Variants in NREP observed in about 807,000 individuals in gnomAD.
NREP encodes neuronal regeneration related protein, also known as neuronal regeneration-related protein.
In NREP, 5 loss-of-function variants were observed where a neutral mutation model predicts 8.6. The observed-to-expected ratio is 0.58, with a 90% CI of 0.30 to 1.22. The LOEUF (loss-of-function observed/expected upper bound fraction) is 1.22. NREP is among the 50% of genes most tolerant of loss of function. The probability of loss-of-function intolerance (pLI) is 0.07; values close to 1 mark genes in which losing one functional copy is unlikely to be tolerated. For missense variants in NREP, 86 were observed against 82.5 expected, an observed-to-expected ratio of 1.04 and a Z score of -0.17; for synonymous variants, 27 against 28.0, an observed-to-expected ratio of 0.96 and a Z score of 0.11.
chr5:111,846,523 C>G (rs1753179448), intron 2 of NREP: 1 of 140,614 alleles, frequency 7.1e-6, no homozygotes, highest in Non-Finnish European at 1.5e-5. Flanking sequence ...GCTCATTGAT[C>G]TCTTGGGCTC....
At chr5:111,776,600 C>T (rs779569259) in intron 2 of NREP, among the ~76,000 whole-genome samples, 46 of 152,014 alleles carry the variant, frequency 3.0e-4, no homozygotes, top group Non-Finnish European at 5.3e-4. Context: ...AAATAGTCGT[C>T]GATTCATACA....
chr5:111,845,696 G>C (rs1486039612), intron 2 of NREP, among the ~76,000 whole-genome samples: 1 of 151,930 alleles, frequency 6.6e-6, no homozygotes, highest in Non-Finnish European at 1.5e-5. Context: ...TTTCAAAAAA[G>C]CACAATTTAA....
chr5:111,731,584 T>C (rs1001819922), intron 3 of NREP, among the ~76,000 whole-genome samples: 1 of 152,124 alleles, frequency 6.6e-6, no homozygotes, highest in Non-Finnish European at 1.5e-5. Flanking sequence ...ATGACAGAAG[T>C]GGCTACCAAA....
At chr5:111,767,686 G>C (rs1751118559) in intron 2 of NREP, among the ~76,000 whole-genome samples, 1 of 152,064 alleles carries the variant, frequency 6.6e-6, no homozygotes, top group South Asian at 2.1e-4. Flanking sequence ...TTTGTTTTGA[G>C]ACAGAGTCTT....
intron 2 of NREP, among the ~76,000 whole-genome samples, chr5:111,808,580 T>C (rs534710850): frequency 1.3e-5 from 2 of 152,352 alleles, no homozygotes; most frequent in Non-Finnish European, 2.9e-5. Flanking sequence ...TTTAGCAAAC[T>C]ATTCTTTGTC....
At chr5:111,814,052 T>TA (rs1048955133) in intron 2 of NREP, among the ~76,000 whole-genome samples, 5 of 152,016 alleles carry the variant, frequency 3.3e-5, no homozygotes, top group African/African-American at 1.2e-4. Context: ...ACTATACAAA[T>TA]GTTTGAGAAA....
chr5:111,926,208 A>G (rs1434498236), intron 2 of NREP, among the ~76,000 whole-genome samples: 1 of 152,126 alleles, frequency 6.6e-6, no homozygotes, highest in African/African-American at 2.4e-5. Context: ...TAAAAGCGAA[A>G]CTGGGGAAGT....
chr5:111,731,146 GC>G, intron 3 of NREP, 100 bp from the exon 4 acceptor site: 1 of 1,309,192 alleles, frequency 7.6e-7, no homozygotes, highest in Non-Finnish European at 1.1e-6. Context: ...TTCCTGCCCA[GC>G]CCACATTATA....
chr5:111,772,540 C>G (rs1348963180), intron 2 of NREP, among the ~76,000 whole-genome samples: 1 of 151,994 alleles, frequency 6.6e-6, no homozygotes, highest in African/African-American at 2.4e-5. Context: ...TTTGAGGGAA[C>G]ATCTTTATGC....
chr5:111,845,346 G>C (rs1158953323), intron 2 of NREP, among the ~76,000 whole-genome samples: 2 of 151,024 alleles, frequency 1.3e-5, no homozygotes, highest in Admixed American at 6.6e-5. Flanking sequence ...CAGAGCTCTT[G>C]TGAAAGTATG....
intron 2 of NREP, among the ~76,000 whole-genome samples, chr5:111,814,682 C>T (rs749122245): frequency 1.3e-5 from 2 of 152,018 alleles, no homozygotes; most frequent in East Asian, 1.9e-4. Context: ...TAAAAAATTC[C>T]CTCACTATTT....
intron 2 of NREP, among the ~76,000 whole-genome samples, chr5:111,815,862 A>G (rs1374782503): frequency 6.6e-6 from 1 of 152,176 alleles, no homozygotes; most frequent in Non-Finnish European, 1.5e-5. Context: ...GTCAATTCAC[A>G]GATCCAAGAC....
In NREP at chr5:111,831,818, G is replaced by A. The variant is rs1311876746; in HGVS notation, c.136-96311C>T. 5.9e-5 allele frequency among the ~76,000 whole-genome samples: 9 copies of A among 152,250 alleles called. No individual in the cohort carries two copies. The South Asian group carries it at 6.2e-4, about 11-fold the overall frequency. ...AGCCTCAGGGAAGTCTGGTTGGCAC[G>A]CCCTCAAGATAGCTGCCAGACAAAA... On this transcript the variant is annotated intron_variant, in intron 2 of 3. Coordinates refer to the NREP transcript ENST00000395634.
At chr5:111,906,282 G>A (rs1277402803) in intron 2 of NREP, among the ~76,000 whole-genome samples, 1 of 151,628 alleles carries the variant, frequency 6.6e-6, no homozygotes, top group Non-Finnish European at 1.5e-5. Flanking sequence ...TAATACATGT[G>A]GTAAAAGATC....
intron 2 of NREP, among the ~76,000 whole-genome samples, chr5:111,856,725 T>TA (rs1449243514): frequency 1.3e-5 from 2 of 152,174 alleles, no homozygotes; most frequent in Non-Finnish European, 1.5e-5. Flanking sequence ...TATTTTATGA[T>TA]ACGAAGATTT....
chr5:111,753,556 G>T (rs1166657980), intron 2 of NREP, among the ~76,000 whole-genome samples: 1 of 151,842 alleles, frequency 6.6e-6, no homozygotes, highest in African/African-American at 2.4e-5. Flanking sequence ...ACACTAAAAT[G>T]AGCTGATTAT....
chr5:111,840,510 TAGTTA>T (rs1753003974), intron 2 of NREP, among the ~76,000 whole-genome samples: 4 of 152,224 alleles, frequency 2.6e-5, no homozygotes, highest in South Asian at 4.1e-4. Flanking sequence ...TTAGAGACTG[TAGTTA>T]AGTTTTCTGT....
In NREP at chr5:111,741,993, C is replaced by A. The variant is rs147514440; in HGVS notation, c.4-6486G>T. On this transcript the variant is annotated intron_variant, in intron 2 of 3. Transcript: ENST00000257435. ...GGCCTTTGTGGCACCTGCTGACACT[C>A]CTTGAGTTTCATTGCCTGGTAAGTC... Among the ~76,000 whole-genome samples the A allele has an allele frequency of 5.4e-3, 824 of 152,018 alleles. 7 individuals are homozygous for A. Among genetic ancestry groups the A allele is most frequent in the South Asian group, 0.022 (106 of 4,812 alleles).
At chr5:111,874,946 G>A (rs997352544) in intron 2 of NREP, among the ~76,000 whole-genome samples, 2 of 152,032 alleles carry the variant, frequency 1.3e-5, no homozygotes, top group African/African-American at 4.8e-5. Context: ...TTTTATTTTG[G>A]ACTCCAAACT....
Sources: allele counts gnomAD v4.1 joint callset (sites outside exome capture counted in the v4.1 genomes callset), GRCh38; gene constraint gnomAD v4.1.1; transcripts MANE v1.5; gene names NCBI Gene and HGNC (gene_info 2026-07-23, HGNC 2026-07-21).